TMEM214: variants seen among roughly 807,000 people sequenced by gnomAD.
TMEM214 encodes the protein transmembrane protein 214.
In TMEM214, 71 loss-of-function variants were observed where a neutral mutation model predicts 89.8. The observed-to-expected ratio is 0.79, with a 90% CI of 0.65 to 0.96. The LOEUF (loss-of-function observed/expected upper bound fraction) is 0.96, where lower values mean the gene tolerates loss of function less well. Ranked by LOEUF, TMEM214 falls within the 40% of genes least tolerant of loss-of-function variation. The pLI is 0.00. For synonymous variants in TMEM214, 332 were observed against 349.5 expected, an observed-to-expected ratio of 0.95 and a Z score of 0.56; for missense variants, 754 against 843.4, an observed-to-expected ratio of 0.89 and a Z score of 1.31.
intron 1 of TMEM214, among the ~76,000 whole-genome samples, chr2:27,033,580 C>T (rs1220129008): frequency 6.6e-6 from 1 of 152,130 alleles, no homozygotes; most frequent in South Asian, 2.1e-4. Flanking sequence ...GGACAGGAGG[C>T]CCAGCAGTGG....
At position 27,035,763 on chromosome 2, in the gene TMEM214, A is replaced by G. The variant is rs183060621; in HGVS notation, c.637+35A>G. On this transcript the variant is annotated intron_variant, in intron 4 of 16. Coordinates refer to ENST00000238788, the MANE Select transcript of TMEM214 (RefSeq NM_017727.5). ...GCACGGGAGGGATGACCATCTTGGG[A>G]GCCTCCTCCTTTTTTTCCTGCTTCC... is the stretch of plus-strand genomic sequence containing the variant. The G allele has an allele frequency of 5.9e-4, 947 of 1,613,342 alleles. 5 individuals are homozygous for G. The African/African-American group carries it at 0.011, about 19-fold the overall frequency.
chr2:27,033,044 G>T lies in TMEM214; in HGVS notation c.29G>T (p.Arg10Leu), dbSNP rs1445022515. 33 of 1,247,152 alleles carry T rather than the reference G, an allele frequency of 2.6e-5. No individual in the cohort carries two copies. The highest frequency in any genetic ancestry group is 3.2e-5 in the Non-Finnish European group (32 of 987,956). 77.3% of individuals were successfully genotyped at this position (1,247,152 alleles called of 1,614,324 possible). A position where few individuals can be genotyped will look rare whatever the true frequency, so the allele number is the denominator to read the frequency against. ...GCGACCAAGACGGCGGGCGTGGGGC[G>T]GTGGGAGGTAGTGAAGAAGGGTCGG... MATKTAGVGRWEVVKKGRRP... is the reference protein window; with the variant it reads MATKTAGVGLWEVVKKGRRP... Residue 10 changes from arginine (R) to leucine (L), a missense_variant, in exon 1 of 17, where the codon CGG (arginine) becomes CTG (leucine). Arg to Leu is a moderately radical substitution (Grantham distance 102). Transcript: ENST00000238788.
At position 27,038,851 on chromosome 2, in the gene TMEM214, T is replaced by A; in HGVS notation, c.1407+36T>A. ...CCGGTCCTCTCCAGCCCACACGCTA[T>A]CTTACATCTCTGTCTCAGCACACCT... On this transcript the variant is annotated intron_variant, in intron 12 of 16. Transcript: ENST00000238788. The surrounding 1 kb of genome is among the most constrained non-coding windows in gnomAD (Gnocchi z 4.4). 1 of 1,576,654 alleles carries A rather than the reference T, an allele frequency of 6.3e-7. No homozygotes were observed. Among genetic ancestry groups the A allele is most frequent in the Non-Finnish European group, 8.7e-7 (1 of 1,147,854 alleles).
chr2:27,034,059 C>G lies in TMEM214; in HGVS notation c.152-8C>G. On this transcript the variant is annotated splice_region_variant and splice_polypyrimidine_tract_variant and intron_variant, in intron 1 of 16. Transcript: ENST00000238788. ...TGGCCTGCCTTTCTCTACCTATCTT[C>G]ACCCCAGCTGCAATCCAGACCACAA... 6.2e-7 allele frequency: 1 copy of G among 1,613,978 alleles called. No homozygotes were observed. Among genetic ancestry groups the G allele is most frequent in the African/African-American group, 1.3e-5 (1 of 75,014 alleles).
In TMEM214 at chr2:27,038,830, T is replaced by C; in HGVS notation, c.1407+15T>C. ...TGGCCTGCAAGGTGCTGGCACCCGG[T>C]CCTCTCCAGCCCACACGCTATCTTA... On this transcript the variant is annotated intron_variant, in intron 12 of 16. Transcript: ENST00000238788. This position sits in a 1 kb window ranked among gnomAD's most constrained non-coding sequence, Gnocchi z 4.4. 6.2e-7 allele frequency: 1 copy of C among 1,606,468 alleles called. No individual in the cohort carries two copies. The highest frequency in any genetic ancestry group is 8.5e-7 in the Non-Finnish European group (1 of 1,173,420).
intron 4 of TMEM214, 120 bp downstream of exon 4, chr2:27,035,848 A>G: frequency 6.3e-7 from 1 of 1,580,290 alleles, no homozygotes; most frequent in East Asian, 2.2e-5. Context: ...CACTTTTTGG[A>G]AAGTGTGGAG....
chr2:27,035,510 C>T, intron 3 of TMEM214, 84 bp from the exon 4 acceptor site: 1 of 1,573,482 alleles, frequency 6.4e-7, no homozygotes, highest in Non-Finnish European at 8.6e-7. Context: ...TGCCTCCACT[C>T]ACCATTCCCA....
In TMEM214 at chr2:27,037,060, T is replaced by C; in HGVS notation, c.909-17T>C. The C allele has an allele frequency of 6.2e-7, 1 of 1,611,524 alleles. No individual in the cohort carries two copies. The highest frequency in any genetic ancestry group is 8.5e-7 in the Non-Finnish European group (1 of 1,177,756). On this transcript the variant is annotated splice_polypyrimidine_tract_variant and intron_variant, in intron 7 of 16. Coordinates refer to ENST00000238788, the MANE Select transcript of TMEM214 (RefSeq NM_017727.5). ...TGGGTGGTGGTGTCCAGCGAGCCTG[T>C]TTCTTCATCCCCACAGGATGCATCC...
In TMEM214 at chr2:27,040,335, C is replaced by T. The variant is rs754539167; in HGVS notation, c.1792-10C>T. The T allele has an allele frequency of 4.3e-6, 7 of 1,613,940 alleles. No individual in the cohort carries two copies. The African/African-American group carries it at 8.0e-5, about 18-fold the overall frequency. On this transcript the variant is annotated splice_polypyrimidine_tract_variant and intron_variant, in intron 15 of 16. Transcript: ENST00000238788. The stretch of plus-strand genomic sequence containing the variant: ...GGATACTCTGACCCCATCCATTCTC[C>T]ATGGTCCAGCTACAGATCCAGCTCC...
In TMEM214 at chr2:27,040,748, A is replaced by G; in HGVS notation, c.1981A>G (p.Ser661Gly). The change falls in exon 17 of 17, where the codon AGT becomes GGT. Residue 661 changes from serine to glycine, a missense_variant. Transcript: ENST00000238788. The part of the protein sequence containing the change: ...VTWDCMKTQL[S>G]EAVHWTWLCL... ...CTGGGACTGCATGAAGACACAGCTC[A>G]GTGAGGCTGTCCACTGGACCTGGCT... 1 of 1,614,180 alleles carries G rather than the reference A, an allele frequency of 6.2e-7. No individual in the cohort carries two copies. The highest frequency in any genetic ancestry group is 8.5e-7 in the Non-Finnish European group (1 of 1,180,032).
rs1389856077 is a variant in TMEM214, at chr2:27,036,501, G to A, written c.735G>A (p.Leu245=). The A allele has an allele frequency of 6.2e-7, 1 of 1,613,958 alleles. No individual in the cohort carries two copies. Among genetic ancestry groups the A allele is most frequent in the African/African-American group, 1.3e-5 (1 of 74,902 alleles). ...TANLGKFLEL[L]RSHQSRPAKC... Reference sequence around the variant, plus strand: ...GGTCTCCTCAGTTCCTGGAACTGCTGAGGTCCCACCAGAGCCGACCAGCAA... The same window carrying A: ...GGTCTCCTCAGTTCCTGGAACTGCTAAGGTCCCACCAGAGCCGACCAGCAA... The change falls in exon 6 of 17, where the codon CTG becomes CTA. Residue 245 remains leucine (L), a synonymous_variant. Transcript: ENST00000238788.
rs368920944 is a variant in TMEM214 at position 27,034,188 on chromosome 2, G to A, written c.273G>A (p.Gln91=). Residue 91 remains glutamine, a synonymous_variant, in exon 2 of 17, where the codon CAG becomes CAA. Transcript: ENST00000238788. ...CTAAGAAACCAGGGAACAAGAAGCA[G>A]CCAAAGAAGGTGGCAACTCCTCCCA... ...VEPKKPGNKK[Q]PKKVATPPNQ... 6.8e-6 allele frequency: 11 copies of A among 1,614,192 alleles called. No homozygotes were observed. In the Admixed American group the frequency reaches 1.7e-4, roughly 24 times the overall value.
intron 2 of TMEM214, 66 bp downstream of exon 2, chr2:27,034,332 G>T: frequency 6.5e-7 from 1 of 1,548,826 alleles, no homozygotes; most frequent in Non-Finnish European, 8.8e-7. Context: ...GATGAGAGGA[G>T]GGGGAGGTGG....
At chr2:27,034,459 A>C (rs1228988509) in intron 2 of TMEM214, 193 bp downstream of exon 2, 1 of 631,036 alleles carries the variant, frequency 1.6e-6, no homozygotes, top group Non-Finnish European at 2.7e-6. Context: ...AGGAAATGGA[A>C]AATTTATAGG....
intron 13 of TMEM214, 54 bp downstream of exon 13, chr2:27,039,218 A>C: frequency 6.9e-7 from 1 of 1,451,940 alleles, no homozygotes; most frequent in South Asian, 1.2e-5. Context: ...ACAGAGCTAC[A>C]CGTAGCACCA....
chr2:27,038,702 G>A lies in TMEM214; in HGVS notation c.1294G>A (p.Val432Ile). ...CAGGCCAGACCTTTCTTGTCCATAG[G>A]TACAGAAGTCTTTGCAAGAAACCAT... The part of the protein sequence containing the change: ...LSSWEQIPKK[V>I]QKSLQETIQS... Residue 432 changes from valine to isoleucine, a missense_variant and splice_region_variant, in exon 12 of 17, where the codon GTA becomes ATA. Coordinates refer to ENST00000238788, the MANE Select transcript of TMEM214 (RefSeq NM_017727.5). This position sits in a 1 kb window ranked among gnomAD's most constrained non-coding sequence, Gnocchi z 4.4. 1 of 1,613,936 alleles carries A rather than the reference G, an allele frequency of 6.2e-7. No individual in the cohort carries two copies. Among genetic ancestry groups the A allele is most frequent in the Non-Finnish European group, 8.5e-7 (1 of 1,179,898 alleles).
At position 27,040,198 on chromosome 2, in the gene TMEM214, G is replaced by A. The variant is rs1428011992; in HGVS notation, c.1791G>A (p.Arg597=). 1.9e-6 allele frequency: 3 copies of A among 1,605,480 alleles called. No individual in the cohort carries two copies. Among genetic ancestry groups the A allele is most frequent in the African/African-American group, 1.3e-5 (1 of 74,932 alleles). ...FGDSLTSLSQ[R]LQIQLPDSVN... is the part of the protein sequence containing the mutation. ...ACAGTCTCACCAGTCTCTCTCAGAGGGTAAGTCAGAGACAGGGAGTCAAAT... is the reference window on the plus strand; with the variant it reads ...ACAGTCTCACCAGTCTCTCTCAGAGAGTAAGTCAGAGACAGGGAGTCAAAT... Residue 597 remains arginine, a splice_region_variant and synonymous_variant, in exon 15 of 17, where the codon AGG becomes AGA. Transcript: ENST00000238788.
rs1208923028 is a variant in TMEM214 at position 27,035,669 on chromosome 2, T to C, written c.578T>C (p.Leu193Pro). ...CTGCTGGCGAAGGCAGCAGGGTCTC[T>C]GGAGCTCTTTTTTGACCACTGTCTG... ...RGLLAKAAGS[L>P]ELFFDHCLFT... The change falls in exon 4 of 17, where the codon CTG becomes CCG. Residue 193 changes from leucine (L) to proline (P), a missense_variant. Physicochemically the swap from Leu to Pro is moderately conservative, Grantham distance 98. Transcript: ENST00000238788. 1.2e-6 allele frequency: 2 copies of C among 1,614,104 alleles called. No homozygotes were observed. The highest frequency in any genetic ancestry group is 2.2e-5 in the South Asian group (2 of 91,088).
At chr2:27,034,438 TTAGAA>T (rs1262697279) in intron 2 of TMEM214, 172 bp downstream of exon 2, 1 of 720,158 alleles carries the variant, frequency 1.4e-6, no homozygotes, top group Admixed American at 3.1e-5. Flanking sequence ...ATGCCTGCAC[TTAGAA>T]TAGAAAGGAA....
Sources: allele counts gnomAD v4.1 joint callset (sites outside exome capture counted in the v4.1 genomes callset), GRCh38; gene constraint gnomAD v4.1.1; non-coding constraint Gnocchi (gnomAD v3.1); transcripts MANE v1.5; gene names NCBI Gene and HGNC (gene_info 2026-07-23, HGNC 2026-07-21).